MAN2A1: variants seen among roughly 807,000 people sequenced by gnomAD.
MAN2A1 encodes the protein alpha-mannosidase 2.
MAN2A1 carries 76 observed loss-of-function variants against 142.6 expected under a neutral mutation model. The ratio of observed to expected loss-of-function variants is 0.53; its 90% confidence interval spans 0.44 to 0.65. The LOEUF is 0.65. Ranked by LOEUF, MAN2A1 falls within the 30% of genes least tolerant of loss-of-function variation. The pLI, the probability that MAN2A1 is intolerant of heterozygous loss-of-function variation, is 0.00. For synonymous variants in MAN2A1, 559 were observed against 473.2 expected (o/e 1.18, Z -2.35); for missense variants, 1,311 against 1,365.1 (o/e 0.96, Z 0.62).
intron 18 of MAN2A1, among the ~76,000 whole-genome samples, chr5:109,847,203 C>T (rs193286124): frequency 2.0e-5 from 3 of 152,272 alleles, no homozygotes; most frequent in Admixed American, 6.5e-5. Flanking sequence ...GAGGACTAGA[C>T]AGTAAGACTC....
chr5:109,748,877 T>C (rs1303287495), intron 4 of MAN2A1, among the ~76,000 whole-genome samples: 1 of 151,604 alleles, frequency 6.6e-6, no homozygotes, highest in Non-Finnish European at 1.5e-5. Flanking sequence ...CTCCTATCAT[T>C]ATATAAGGGG....
chr5:109,755,522 G>A, intron 5 of MAN2A1, 66 bp downstream of exon 5: 2 of 1,268,024 alleles, frequency 1.6e-6, no homozygotes, highest in Admixed American at 2.2e-5. Flanking sequence ...GTGAAGTGAG[G>A]CTCTGTTCTT....
At chr5:109,850,305 C>T (rs1221624899) in intron 19 of MAN2A1, among the ~76,000 whole-genome samples, 4 of 152,160 alleles carry the variant, frequency 2.6e-5, no homozygotes, top group Non-Finnish European at 5.9e-5. Context: ...ATTACCTTGT[C>T]TTCATATGCA....
intron 4 of MAN2A1, among the ~76,000 whole-genome samples, chr5:109,737,283 G>T (rs753284386): frequency 1.8e-4 from 27 of 151,740 alleles, no homozygotes; most frequent in Non-Finnish European, 3.5e-4. Context: ...GTAGAGACAG[G>T]GTTTCACCAT....
At chr5:109,715,988 A>G (rs916889225) in intron 2 of MAN2A1, 132 bp from the exon 3 acceptor site, 2 of 544,728 alleles carry the variant, frequency 3.7e-6, no homozygotes, top group African/African-American at 1.9e-5. Flanking sequence ...TAAACTCCTC[A>G]ATGTCTACAG....
chr5:109,865,086 G>C lies in MAN2A1; in HGVS notation c.3222G>C (p.Gly1074=). The change falls in exon 21 of 22, where the codon GGG becomes GGC. Residue 1074 remains glycine, a synonymous_variant. Coordinates refer to ENST00000261483, the MANE Select transcript of MAN2A1 (RefSeq NM_002372.4). ...NEAALILHRK[G]FDCRFSSKGT... ...CAGCCTTGATCCTCCACAGAAAAGG[G>C]TTTGATTGTCGGTTCTCTAGCAAAG... The C allele has an allele frequency of 6.2e-7, 1 of 1,614,040 alleles. No homozygotes were observed. Among genetic ancestry groups the C allele is most frequent in the Non-Finnish European group, 8.5e-7 (1 of 1,179,952 alleles).
rs1029453087 is a variant in MAN2A1 at position 109,868,649 on chromosome 5, A to G, written c.*1651A>G. The G allele has an allele frequency of 3.9e-5, 6 of 152,164 alleles. No individual in the cohort carries two copies. Among genetic ancestry groups the G allele is most frequent in the Admixed American group, 1.3e-4 (2 of 15,278 alleles). 9.4% of individuals were successfully genotyped at this position (152,164 alleles called of 1,614,324 possible). ...AAATTCATAAACTCCTTCACCTTTA[A>G]TAATTAAGGAAACAATACCAGTGTT... On this transcript the variant is annotated 3_prime_UTR_variant, in exon 22 of 22. Transcript: ENST00000261483.
intron 9 of MAN2A1, among the ~76,000 whole-genome samples, chr5:109,783,977 C>T (rs1214424074): frequency 6.6e-6 from 1 of 151,892 alleles, no homozygotes; most frequent in Non-Finnish European, 1.5e-5. Context: ...GTGATCCTCC[C>T]ACCTCAGCCT....
intron 1 of MAN2A1, among the ~76,000 whole-genome samples, chr5:109,707,121 A>G (rs1006705238): frequency 1.3e-5 from 2 of 152,152 alleles, no homozygotes; most frequent in African/African-American, 4.8e-5. Flanking sequence ...ATTGTATTCT[A>G]TTCACCAGGT....
At chr5:109,757,358 A>G (rs1752716087) in intron 5 of MAN2A1, among the ~76,000 whole-genome samples, 1 of 152,198 alleles carries the variant, frequency 6.6e-6, no homozygotes, top group Non-Finnish European at 1.5e-5. Flanking sequence ...TCTTAAATGT[A>G]GAGGTCAGTG....
intron 4 of MAN2A1, among the ~76,000 whole-genome samples, chr5:109,743,695 C>G (rs1374716515): frequency 6.6e-6 from 1 of 152,202 alleles, no homozygotes; most frequent in Non-Finnish European, 1.5e-5. Flanking sequence ...GCTCTTGTCT[C>G]GTACTATTGT....
chr5:109,850,013 A>C (rs765258313), intron 19 of MAN2A1, among the ~76,000 whole-genome samples: 1 of 152,206 alleles, frequency 6.6e-6, no homozygotes, highest in East Asian at 1.9e-4. Flanking sequence ...GTTAGTGCTT[A>C]CTTCATCAGC....
At chr5:109,834,257 C>T (rs757769202) in intron 16 of MAN2A1, among the ~76,000 whole-genome samples, 10 of 152,230 alleles carry the variant, frequency 6.6e-5, no homozygotes, top group Non-Finnish European at 7.4e-5. Context: ...GCCTGGGACA[C>T]GGGGAAGGCA....
At chr5:109,743,817 A>T (rs1169054277) in intron 4 of MAN2A1, among the ~76,000 whole-genome samples, 1 of 152,164 alleles carries the variant, frequency 6.6e-6, no homozygotes. Context: ...TTGCTTTAAA[A>T]TGCTTTGTGG....
intron 12 of MAN2A1, among the ~76,000 whole-genome samples, chr5:109,800,641 A>T (rs1256590702): frequency 6.6e-6 from 1 of 152,238 alleles, no homozygotes; most frequent in Non-Finnish European, 1.5e-5. Flanking sequence ...TTTTTAAAAG[A>T]TGCCTAAATT....
intron 20 of MAN2A1, chr5:109,864,037 A>C (rs1013061103): frequency 6.6e-6 from 1 of 152,218 alleles, no homozygotes; most frequent in African/African-American, 2.4e-5. Context: ...TCTGGCAGCT[A>C]TTCAGGAAAG....
At chr5:109,713,443 T>TA in intron 1 of MAN2A1, 77 bp from the exon 2 acceptor site, 4 of 1,332,388 alleles carry the variant, frequency 3.0e-6, no homozygotes, top group Non-Finnish European at 3.0e-6. Context: ...ACCACATAAT[T>TA]TAAAAAAAAA....
At chr5:109,791,640 T>A (rs183501112) in intron 12 of MAN2A1, among the ~76,000 whole-genome samples, 76 of 152,106 alleles carry the variant, frequency 5.0e-4, no homozygotes, top group Middle Eastern at 3.4e-3. Context: ...GGGGAGATAT[T>A]TTTTCCAAGA....
At chr5:109,705,829 A>G (rs140496848) in intron 1 of MAN2A1, among the ~76,000 whole-genome samples, 16 of 152,254 alleles carry the variant, frequency 1.1e-4, no homozygotes, top group Non-Finnish European at 2.2e-4. Flanking sequence ...CCTTGGCTCA[A>G]GGCTGCCTTC....
Sources: gnomAD v4.1 joint callset for allele counts (sites outside exome capture counted in the v4.1 genomes callset) on GRCh38, gnomAD v4.1.1 for gene constraint, MANE v1.5 for transcripts, NCBI Gene and HGNC (gene_info 2026-07-23, HGNC 2026-07-21) for gene names.